Variants in CLIC4 observed in about 807,000 individuals in gnomAD.
The protein encoded by CLIC4 is CLIC family member 4, also known as chloride intracellular channel protein 4.
CLIC4 carries 13 observed loss-of-function variants against 24.6 expected under a neutral mutation model. That is an observed-to-expected ratio of 0.53 (90% CI 0.34 to 0.84). The LOEUF (loss-of-function observed/expected upper bound fraction) is 0.84. Among genes scored for constraint, CLIC4 ranks in the 40% least tolerant of loss-of-function variants. CLIC4 has a pLI of 0.01. For missense variants in CLIC4, 227 were observed against 301.7 expected, an observed-to-expected ratio of 0.75 and a Z score of 1.83; for synonymous variants, 104 against 111.3, an observed-to-expected ratio of 0.93 and a Z score of 0.41.
At chr1:24,826,843 C>T (rs914428502) in intron 3 of CLIC4, among the ~76,000 whole-genome samples, 167 bp from the exon 4 acceptor site, 2 of 152,006 alleles carry the variant, frequency 1.3e-5, no homozygotes, top group African/African-American at 2.4e-5. Context: ...AGCTTTGTCT[C>T]GTAAGGAAAA....
intron 1 of CLIC4, among the ~76,000 whole-genome samples, chr1:24,775,591 CTTTA>C (rs1639129310): frequency 6.8e-6 from 1 of 146,578 alleles, no homozygotes; most frequent in African/African-American, 2.5e-5. Context: ...TCTTTTCCTT[CTTTA>C]TTCTACTGTT....
chr1:24,766,865 TATTTC>T (rs2124096623), intron 1 of CLIC4, among the ~76,000 whole-genome samples: 1 of 151,524 alleles, frequency 6.6e-6, no homozygotes, highest in South Asian at 2.1e-4. Flanking sequence ...TTTGAATTAA[TATTTC>T]AAGTAGGCAA....
chr1:24,757,946 A>G (rs867424697), intron 1 of CLIC4, among the ~76,000 whole-genome samples: 2 of 151,342 alleles, frequency 1.3e-5, no homozygotes, highest in Non-Finnish European at 2.9e-5. Flanking sequence ...TTTTATAGAG[A>G]TGGGGTTTCT....
At chr1:24,773,561 G>A (rs1384951843) in intron 1 of CLIC4, among the ~76,000 whole-genome samples, 2 of 150,022 alleles carry the variant, frequency 1.3e-5, no homozygotes, top group Non-Finnish European at 3.0e-5. Flanking sequence ...TAAAAATGAG[G>A]GCTAGACAAT....
intron 1 of CLIC4, among the ~76,000 whole-genome samples, chr1:24,756,003 T>C (rs898662942): frequency 1.2e-4 from 18 of 148,020 alleles, no homozygotes; most frequent in African/African-American, 4.2e-4. Context: ...TTGATTTTTT[T>C]TTTTTTTTTT....
chr1:24,821,194 GAA>G lies in CLIC4; in HGVS notation c.309-5815_309-5814del, dbSNP rs1490845629. On this transcript the variant is annotated intron_variant, in intron 3 of 5. Transcript: ENST00000374379. ...AGCAAGACCCTGTCTCAAAAAAGAA[GAA>G]GGAAAAAAAAAAAGAATTTTCATTA... is the stretch of plus-strand genomic sequence containing the variant. 4.8e-5 allele frequency among the ~76,000 whole-genome samples: 6 copies of G among 126,166 alleles called. 1 individual carries two copies. Among genetic ancestry groups the G allele is most frequent in the Admixed American group, 1.5e-4 (2 of 13,360 alleles). The allele number at this position is 126,166 out of a possible 152,430, so 82.8% of individuals were successfully genotyped here. A position where few individuals can be genotyped will look rare whatever the true frequency, so the allele number is the denominator to read the frequency against.
Position 24,827,076 on chromosome 1 carries a change from C to A in CLIC4, c.375C>A (p.Phe125Leu). The change falls in exon 4 of 6, where the codon TTC becomes TTA. Residue 125 changes from phenylalanine (F) to leucine (L), a missense_variant. By Grantham distance (22) the Phe-to-Leu change is conservative. Coordinates refer to ENST00000374379, the MANE Select transcript of CLIC4 (RefSeq NM_013943.3). ...NTAGMDIFAK[F>L]SAYIKNSRPE... Reference sequence around the variant, plus strand: ...CTGGAATGGACATCTTTGCCAAATTCTCTGCATATATCAAGAATTCAAGGC... The same window carrying A: ...CTGGAATGGACATCTTTGCCAAATTATCTGCATATATCAAGAATTCAAGGC... The A allele has an allele frequency of 6.2e-7, 1 of 1,611,292 alleles. No homozygotes were observed. Among genetic ancestry groups the A allele is most frequent in the East Asian group, 2.2e-5 (1 of 44,744 alleles).
chr1:24,825,336 C>T (rs1400341032), intron 3 of CLIC4, among the ~76,000 whole-genome samples: 1 of 152,126 alleles, frequency 6.6e-6, no homozygotes, highest in Admixed American at 6.6e-5. Context: ...TCCTGTATCA[C>T]AAGCAGTACA....
chr1:24,813,747 GTCTC>G (rs1639640317), intron 2 of CLIC4, among the ~76,000 whole-genome samples: 1 of 148,798 alleles, frequency 6.7e-6, no homozygotes, highest in Admixed American at 6.7e-5. Flanking sequence ...TTGAGACAGG[GTCTC>G]TCTGTCGCCC....
intron 3 of CLIC4, among the ~76,000 whole-genome samples, chr1:24,824,996 T>TCTCACA (rs1328404208): frequency 8.1e-4 from 109 of 133,960 alleles, no homozygotes; most frequent in African/African-American, 2.7e-3. Context: ...GGAGACCCTG[T>TCTCACA]CACACACACA....
intron 2 of CLIC4, among the ~76,000 whole-genome samples, chr1:24,811,250 C>T (rs758691353): frequency 7.2e-5 from 11 of 152,240 alleles, no homozygotes; most frequent in Middle Eastern, 3.4e-3. Context: ...AGAGGTTTCT[C>T]GTGTCTGCTT....
chr1:24,776,468 A>G (rs1376048976), intron 1 of CLIC4, among the ~76,000 whole-genome samples: 1 of 152,208 alleles, frequency 6.6e-6, no homozygotes, highest in Admixed American at 6.5e-5. Flanking sequence ...AGTTGATCCT[A>G]TAGGAGGAAC....
chr1:24,760,966 C>A (rs1190367000), intron 1 of CLIC4, among the ~76,000 whole-genome samples: 1 of 152,046 alleles, frequency 6.6e-6, no homozygotes, highest in Admixed American at 6.6e-5. Flanking sequence ...GTGACTTTTC[C>A]AGTAATCCAG....
chr1:24,828,315 A>G (rs1325353388), intron 4 of CLIC4, among the ~76,000 whole-genome samples: 1 of 152,178 alleles, frequency 6.6e-6, no homozygotes, highest in African/African-American at 2.4e-5. Flanking sequence ...ATCTGTTAAT[A>G]ATGTATTCCA....
chr1:24,823,820 T>C (rs532883571), intron 3 of CLIC4, among the ~76,000 whole-genome samples: 1 of 148,972 alleles, frequency 6.7e-6, no homozygotes, highest in Non-Finnish European at 1.5e-5. Flanking sequence ...TTTACAAGGC[T>C]AATCAGCCTT....
chr1:24,755,436 C>CAAA (rs796480286), intron 1 of CLIC4, among the ~76,000 whole-genome samples: 4 of 85,822 alleles, frequency 4.7e-5, no homozygotes, highest in African/African-American at 1.2e-4. Flanking sequence ...GACTCTGTCT[C>CAAA]AAAAAAAAAA....
At chr1:24,791,880 A>AAAAT (rs112152589) in intron 1 of CLIC4, among the ~76,000 whole-genome samples, 2,855 of 150,732 alleles carry the variant, frequency 0.019, 95 homozygotes, top group African/African-American at 0.066. Context: ...CCATCTCAAA[A>AAAAT]AAATAAATAA....
chr1:24,755,434 C>A (rs1367070587), intron 1 of CLIC4, among the ~76,000 whole-genome samples: 1 of 140,128 alleles, frequency 7.1e-6, no homozygotes, highest in Non-Finnish European at 1.5e-5. Context: ...GAGACTCTGT[C>A]TCAAAAAAAA....
chr1:24,838,472 C>T (rs1282328040), intron 4 of CLIC4, among the ~76,000 whole-genome samples: 1 of 152,122 alleles, frequency 6.6e-6, no homozygotes, highest in Non-Finnish European at 1.5e-5. Flanking sequence ...GAGTGGGTGG[C>T]TGCAATTTGG....
Sources: allele counts gnomAD v4.1 joint callset (sites outside exome capture counted in the v4.1 genomes callset), GRCh38; gene constraint gnomAD v4.1.1; transcripts MANE v1.5; gene names NCBI Gene and HGNC (gene_info 2026-07-23, HGNC 2026-07-21).